The following EPS15L1 variants were observed in gnomAD, a reference collection of about 807,000 sequenced individuals.
The protein encoded by EPS15L1 is epidermal growth factor receptor substrate 15-like 1.
In EPS15L1, 43 loss-of-function variants were observed where a neutral mutation model predicts 117.1. That is an observed-to-expected ratio of 0.37 (90% CI 0.29 to 0.47). EPS15L1 has a LOEUF of 0.47. EPS15L1 is among the 20% of genes least tolerant of loss of function. The pLI is 0.99. For synonymous variants in EPS15L1, 459 were observed against 470.5 expected (o/e 0.98, Z 0.32); for missense variants, 981 against 1,164.0 (o/e 0.84, Z 2.29).
At chr19:16,414,244 C>T (rs2092735258) in intron 12 of EPS15L1, among the ~76,000 whole-genome samples, 1 of 152,050 alleles carries the variant, frequency 6.6e-6, no homozygotes, top group South Asian at 2.1e-4. Flanking sequence ...GAAAAAGAGA[C>T]CTCGGACCCC....
At position 16,404,219 on chromosome 19, in the gene EPS15L1, C is replaced by A. The variant is rs1168460278; in HGVS notation, c.1429-289G>T. ...TCTGTCCATCCCCCCAGAGGCTGAA[C>A]GTCATAGAGTTTTCTGAGGTTGCAG... is the stretch of plus-strand genomic sequence containing the variant. On this transcript the variant is annotated intron_variant, in intron 14 of 23. Transcript: ENST00000455140. This position sits in a 1 kb window ranked among gnomAD's most constrained non-coding sequence, Gnocchi z 4.2. 6.6e-6 allele frequency among the ~76,000 whole-genome samples: 1 copy of A among 152,148 alleles called. No individual in the cohort carries two copies. The highest frequency in any genetic ancestry group is 1.5e-5 in the Non-Finnish European group (1 of 68,036).
intron 22 of EPS15L1, among the ~76,000 whole-genome samples, chr19:16,375,909 A>G (rs561397188): frequency 2.0e-5 from 3 of 152,286 alleles, no homozygotes; most frequent in East Asian, 3.9e-4. Context: ...GTTCACCTCT[A>G]CTGACAGGTG....
At chr19:16,372,551 C>T (rs546914747) in intron 22 of EPS15L1, among the ~76,000 whole-genome samples, 1 of 152,332 alleles carries the variant, frequency 6.6e-6, no homozygotes, top group African/African-American at 2.4e-5. Flanking sequence ...AAGATTTCCA[C>T]TAAACTGTGA....
intron 16 of EPS15L1, 74 bp from the exon 17 acceptor site, chr19:16,395,541 T>A: frequency 1.4e-6 from 2 of 1,446,252 alleles, no homozygotes; most frequent in Non-Finnish European, 1.9e-6. Context: ...ATTCCATACT[T>A]AACTCACATT....
At position 16,436,951 on chromosome 19, in the gene EPS15L1, G is replaced by A. The variant is rs2092983890; in HGVS notation, c.358C>T (p.His120Tyr). ...LMVTPPSAEA[H>Y]WAVRVEEKAK... The stretch of plus-strand genomic sequence containing the variant: ...CGTTCACTTACCCTCACAGCCCAGT[G>A]GGCCTCTGCAGAGGGCGGTGTGACC... The change falls in exon 6 of 24, where the codon CAC (histidine) becomes TAC (tyrosine). Residue 120 changes from histidine to tyrosine, a missense_variant. Around this residue, in one of 5 missense-constraint regions of EPS15L1, gnomAD observed 52 missense variants for 53.1 expected, o/e 0.98. Transcript: ENST00000455140. 1.2e-6 allele frequency: 2 copies of A among 1,613,816 alleles called. No individual in the cohort carries two copies. Among genetic ancestry groups the A allele is most frequent in the Non-Finnish European group, 1.7e-6 (2 of 1,179,714 alleles).
chr19:16,464,814 TG>T (rs1213384237), intron 1 of EPS15L1, among the ~76,000 whole-genome samples: 2 of 152,142 alleles, frequency 1.3e-5, no homozygotes, highest in African/African-American at 4.8e-5. Context: ...GTGGGCATGG[TG>T]GCTCACGCCT....
chr19:16,410,987 T>C (rs1279926134), intron 13 of EPS15L1, among the ~76,000 whole-genome samples: 3 of 152,140 alleles, frequency 2.0e-5, no homozygotes, highest in African/African-American at 7.2e-5. Flanking sequence ...CGCTAATATA[T>C]GCTACAATAT....
chr19:16,416,137 G>A (rs980233378), intron 12 of EPS15L1, among the ~76,000 whole-genome samples: 2 of 152,246 alleles, frequency 1.3e-5, no homozygotes, highest in East Asian at 1.9e-4. Context: ...CAAGGCCAGA[G>A]GAGCTGATAG....
chr19:16,447,027 T>C (rs991515272), intron 1 of EPS15L1, among the ~76,000 whole-genome samples: 1 of 152,224 alleles, frequency 6.6e-6, no homozygotes, highest in African/African-American at 2.4e-5. Context: ...TAGAGCTTGC[T>C]TGATAATCCT....
At chr19:16,373,573 C>A (rs1013309483) in intron 22 of EPS15L1, among the ~76,000 whole-genome samples, 3 of 152,046 alleles carry the variant, frequency 2.0e-5, no homozygotes, top group Non-Finnish European at 4.4e-5. Context: ...GTCTTCCTGG[C>A]GAACTTTCTG....
At chr19:16,463,736 A>G (rs2093274890) in intron 1 of EPS15L1, among the ~76,000 whole-genome samples, 1 of 152,156 alleles carries the variant, frequency 6.6e-6, no homozygotes, top group South Asian at 2.1e-4. Flanking sequence ...GCAAAGAGAA[A>G]ATTATAAACG....
At chr19:16,401,626 AG>A (rs1015766711) in intron 16 of EPS15L1, 2 of 985,376 alleles carry the variant, frequency 2.0e-6, no homozygotes, top group African/African-American at 1.7e-5. Flanking sequence ...TGGTGTGAAC[AG>A]GGGGGATGTG....
chr19:16,410,230 A>G (rs759626687), intron 13 of EPS15L1, among the ~76,000 whole-genome samples: 3 of 152,230 alleles, frequency 2.0e-5, no homozygotes, highest in African/African-American at 4.8e-5. Context: ...CAATGACTAC[A>G]TACAAATGGC....
chr19:16,382,740 T>A (rs545830033), intron 21 of EPS15L1, among the ~76,000 whole-genome samples: 129 of 152,206 alleles, frequency 8.5e-4, no homozygotes, highest in African/African-American at 3.0e-3. Context: ...TTATGTCACA[T>A]AGGCTTGATA....
chr19:16,430,536 C>T (rs986506090), intron 7 of EPS15L1, among the ~76,000 whole-genome samples: 6 of 152,242 alleles, frequency 3.9e-5, no homozygotes, highest in African/African-American at 7.2e-5. Context: ...TGTGTCTTCA[C>T]GCAGAGCACT....
At chr19:16,369,823 G>A (rs985099337) in intron 22 of EPS15L1, among the ~76,000 whole-genome samples, 6 of 152,172 alleles carry the variant, frequency 3.9e-5, no homozygotes, top group Non-Finnish European at 8.8e-5. Context: ...ATTCGCATTT[G>A]TTCTCTGGCG....
intron 12 of EPS15L1, among the ~76,000 whole-genome samples, chr19:16,414,933 C>A (rs1363307839): frequency 6.6e-6 from 1 of 152,090 alleles, no homozygotes; most frequent in African/African-American, 2.4e-5. Flanking sequence ...TCTGGACCTC[C>A]TGGGCTCAAC....
chr19:16,434,240 G>C, intron 7 of EPS15L1, 125 bp downstream of exon 7: 1 of 1,291,392 alleles, frequency 7.7e-7, no homozygotes, highest in Non-Finnish European at 1.1e-6. Flanking sequence ...GCTGATGAAA[G>C]CCCCTGATGG....
Position 16,355,686 on chromosome 19 carries a change from G to T in EPS15L1, c.*19C>A. The T allele has an allele frequency of 1.3e-6, 2 of 1,533,464 alleles. No homozygotes were observed. The highest frequency in any genetic ancestry group is 1.7e-6 in the Non-Finnish European group (2 of 1,144,914). The allele number at this position is 1,533,464 out of a possible 1,614,324, so 95.0% of individuals were successfully genotyped here. ...CTGGAACCCGCCCGTGCCCTGTCCC[G>T]CCTACACACGGCCCTCGCCTAGGCG... On this transcript the variant is annotated 3_prime_UTR_variant, in exon 24 of 24. Coordinates refer to ENST00000455140, the MANE Select transcript of EPS15L1 (RefSeq NM_001258374.3).
Sources: gnomAD v4.1 joint callset for allele counts (sites outside exome capture counted in the v4.1 genomes callset) on GRCh38, gnomAD v4.1.1 for gene constraint, gnomAD v4.1.1 regional missense constraint, Gnocchi (gnomAD v3.1) non-coding constraint, MANE v1.5 for transcripts, NCBI Gene and HGNC (gene_info 2026-07-23, HGNC 2026-07-21) for gene names.